The following OR9Q2 variants were observed in gnomAD, a reference collection of about 807,000 sequenced individuals.
OR9Q2 encodes olfactory receptor 9Q2.
In OR9Q2, 2 loss-of-function variants were observed where a neutral mutation model predicts 2.3. The observed-to-expected ratio is 0.85, with a 90% CI of 0.35 to 2.68. The LOEUF (loss-of-function observed/expected upper bound fraction) is 2.68. Ranked by LOEUF, OR9Q2 falls within the 30% of genes most tolerant of loss-of-function variation. The pLI is 0.10. For missense variants in OR9Q2, 404 were observed against 395.7 expected (o/e 1.02, Z -0.18); for synonymous variants, 178 against 158.6 (o/e 1.12, Z -0.92).
rs1854767319 is a variant in OR9Q2, at chr11:58,191,717, G to A, written c.*282G>A. The A allele has an allele frequency of 4.0e-6, 1 of 249,704 alleles. No individual in the cohort carries two copies. The highest frequency in any genetic ancestry group is 2.2e-5 in the African/African-American group (1 of 45,038). 15.5% of individuals were successfully genotyped at this position (249,704 alleles called of 1,614,324 possible). A position where few individuals can be genotyped will look rare whatever the true frequency, so the allele number is the denominator to read the frequency against. On this transcript the variant is annotated 3_prime_UTR_variant, in exon 2 of 2. Coordinates refer to ENST00000641291, the MANE Select transcript of OR9Q2 (RefSeq NM_001005283.3). ...TTCATTTCTATATGTCCAGTTCCTA[G>A]CAAAGCACCTAGCATGTGAAAGGCA...
At chr11:58,189,944 C>G (rs1854742329) in intron 1 of OR9Q2, among the ~76,000 whole-genome samples, 2 of 152,136 alleles carry the variant, frequency 1.3e-5, no homozygotes, top group African/African-American at 4.8e-5. Context: ...ACAAGCAGAG[C>G]CCATTGCTGA....
rs1414785084 is a variant in OR9Q2 at position 58,189,113 on chromosome 11, G to T, written c.-173+5G>T. ...CCCTAGTCTTGTTATCTCAAAGTAA[G>T]TCTAGAAAAATCTAAGGAAACACTA... On this transcript the variant is annotated splice_donor_5th_base_variant and intron_variant, in intron 1 of 1. Transcript: ENST00000641291. 1 of 152,130 alleles carries T rather than the reference G, an allele frequency of 6.6e-6. No homozygotes were observed. The highest frequency in any genetic ancestry group is 1.5e-5 in the Non-Finnish European group (1 of 68,022). The allele number at this position is 152,130 out of a possible 1,614,324, so 9.4% of individuals were successfully genotyped here. A position where few individuals can be genotyped will look rare whatever the true frequency, so the allele number is the denominator to read the frequency against.
In OR9Q2 at chr11:58,190,430, C is replaced by A; in HGVS notation, c.-61C>A. 8.6e-7 allele frequency: 1 copy of A among 1,161,076 alleles called. No homozygotes were observed. The highest frequency in any genetic ancestry group is 1.3e-6 in the Non-Finnish European group (1 of 785,768). 71.9% of individuals were successfully genotyped at this position (1,161,076 alleles called of 1,614,324 possible). A position where few individuals can be genotyped will look rare whatever the true frequency, so the allele number is the denominator to read the frequency against. On this transcript the variant is annotated 5_prime_UTR_variant, in exon 2 of 2. Coordinates refer to ENST00000641291, the MANE Select transcript of OR9Q2 (RefSeq NM_001005283.3). ...TTGTTACTTGAAATCATTTGAACTC[C>A]TCTTGAGCTGTCCCCTCATCTGGCT... is the stretch of plus-strand genomic sequence containing the variant.
At position 58,190,705 on chromosome 11, in the gene OR9Q2, G is replaced by A. The variant is rs761322133; in HGVS notation, c.215G>A (p.Cys72Tyr). 3.1e-6 allele frequency: 5 copies of A among 1,614,042 alleles called. No individual in the cohort carries two copies. The highest frequency in any genetic ancestry group is 2.5e-6 in the Non-Finnish European group (3 of 1,180,014). ...AGCCACCTTTCCTTGGTGGACATCTGCTACTCGTCCGCCATCATCCCTCAG... is the reference window on the plus strand; with the variant it reads ...AGCCACCTTTCCTTGGTGGACATCTACTACTCGTCCGCCATCATCCCTCAG... Reference protein sequence around the residue: ...FLSHLSLVDICYSSAIIPQML... With the variant: ...FLSHLSLVDIYYSSAIIPQML... Residue 72 changes from cysteine (C) to tyrosine (Y), a missense_variant, in exon 2 of 2, where the codon TGC becomes TAC. Coordinates refer to ENST00000641291, the MANE Select transcript of OR9Q2 (RefSeq NM_001005283.3).
Position 58,191,044 on chromosome 11 carries a change from T to G in OR9Q2, c.554T>G (p.Leu185Ter). Reference sequence around the variant, plus strand: ...ATTTTCTGTGACCTCCCTCCTCTATTAAAACTCTCCTGTGGGGACAGCTAC... The same window carrying G: ...ATTTTCTGTGACCTCCCTCCTCTATGAAAACTCTCCTGTGGGGACAGCTAC... ...NFIFCDLPPL[L>*]KLSCGDSYTQ... The change falls in exon 2 of 2, where the codon TTA becomes TGA. Residue 185 changes from leucine (L) to a stop codon, truncating the protein, a stop_gained. Coordinates refer to ENST00000641291, the MANE Select transcript of OR9Q2 (RefSeq NM_001005283.3). LOFTEE classifies it high-confidence loss of function. The G allele has an allele frequency of 6.2e-7, 1 of 1,614,144 alleles. No individual in the cohort carries two copies. The highest frequency in any genetic ancestry group is 1.1e-5 in the South Asian group (1 of 91,080).
In OR9Q2 at chr11:58,190,675, T is replaced by G; in HGVS notation, c.185T>G (p.Phe62Cys). Reference sequence around the variant, plus strand: ...CGGCTCCACACCCCGATGTACTTCTTCCTCAGCCACCTTTCCTTGGTGGAC... The same window carrying G: ...CGGCTCCACACCCCGATGTACTTCTGCCTCAGCCACCTTTCCTTGGTGGAC... ...DRRLHTPMYF[F>C]LSHLSLVDIC... Residue 62 changes from phenylalanine to cysteine, a missense_variant, in exon 2 of 2, where the codon TTC becomes TGC. By Grantham distance (205) the Phe-to-Cys change is radical. Coordinates refer to ENST00000641291, the MANE Select transcript of OR9Q2 (RefSeq NM_001005283.3). 1 of 1,614,188 alleles carries G rather than the reference T, an allele frequency of 6.2e-7. No individual in the cohort carries two copies. The highest frequency in any genetic ancestry group is 1.1e-5 in the South Asian group (1 of 91,082).
At chr11:58,189,484 T>C (rs1854738230) in intron 1 of OR9Q2, among the ~76,000 whole-genome samples, 1 of 152,220 alleles carries the variant, frequency 6.6e-6, no homozygotes, top group Middle Eastern at 3.4e-3. Flanking sequence ...GACTTTCAGA[T>C]CTAATTTGTT....
rs1854783670 is a variant in OR9Q2 at position 58,193,562 on chromosome 11, A to G, written c.*2127A>G. On this transcript the variant is annotated 3_prime_UTR_variant, in exon 2 of 2. Transcript: ENST00000641291. ...GGCAGATGAGGGAGGTTCTGTTCTC[A>G]GGTCTCTGACTCCAAAGTACATACT... The G allele has an allele frequency of 6.6e-6, 1 of 152,214 alleles. No individual in the cohort carries two copies. The highest frequency in any genetic ancestry group is 1.5e-5 in the Non-Finnish European group (1 of 68,046). The allele number at this position is 152,214 out of a possible 1,614,324, so 9.4% of individuals were successfully genotyped here. A position where few individuals can be genotyped will look rare whatever the true frequency, so the allele number is the denominator to read the frequency against.
chr11:58,191,143 A>T lies in OR9Q2; in HGVS notation c.653A>T (p.Tyr218Phe). The change falls in exon 2 of 2, where the codon TAC (tyrosine) becomes TTC (phenylalanine). Residue 218 changes from tyrosine (Y) to phenylalanine (F), a missense_variant. Coordinates refer to ENST00000641291, the MANE Select transcript of OR9Q2 (RefSeq NM_001005283.3). Reference protein sequence around the residue: ...PACILVILVSYLFIIVAILQI... With the variant: ...PACILVILVSFLFIIVAILQI... The stretch of plus-strand genomic sequence containing the variant: ...TGTATCTTGGTGATCTTGGTATCCT[A>T]CCTGTTTATCATTGTGGCCATCCTG... 1.2e-6 allele frequency: 2 copies of T among 1,613,908 alleles called. No individual in the cohort carries two copies. Among genetic ancestry groups the T allele is most frequent in the Non-Finnish European group, 8.5e-7 (1 of 1,179,962 alleles).
At chr11:58,189,239 A>T (rs1854735620) in intron 1 of OR9Q2, 131 bp downstream of exon 1, 1 of 152,254 alleles carries the variant, frequency 6.6e-6, no homozygotes, top group South Asian at 2.1e-4. Context: ...CCATCTCATC[A>T]GGTTGCTATG....
rs574285084 is a variant in OR9Q2 at position 58,190,160 on chromosome 11, G to T, written c.-172-159G>T. The stretch of plus-strand genomic sequence containing the variant: ...ATTATGATCCTCTTTTGGCAGAGGA[G>T]GAAATTGAGGTTCAGAGAGGTTAAG... On this transcript the variant is annotated intron_variant, in intron 1 of 1. Coordinates refer to ENST00000641291, the MANE Select transcript of OR9Q2 (RefSeq NM_001005283.3). Among the ~76,000 whole-genome samples the T allele has an allele frequency of 6.6e-5, 10 of 152,256 alleles. No individual in the cohort carries two copies. The South Asian group carries it at 1.9e-3, about 28-fold the overall frequency.
chr11:58,191,442 C>G lies in OR9Q2; in HGVS notation c.*7C>G. On this transcript the variant is annotated 3_prime_UTR_variant, in exon 2 of 2. Transcript: ENST00000641291. ...GCCTGCTAGAAGACCCTAAATGGAC[C>G]CTTGTGAAATATATCATTCCTTAGT... 6.5e-7 allele frequency: 1 copy of G among 1,539,400 alleles called. No individual in the cohort carries two copies. Among genetic ancestry groups the G allele is most frequent in the South Asian group, 1.2e-5 (1 of 83,456 alleles).
chr11:58,190,847 C>T lies in OR9Q2; in HGVS notation c.357C>T (p.Ala119=). The part of the protein sequence containing the change: ...SIDCYLLAIM[A]YDRYTAVCQP... ...ACTGCTACCTTCTGGCCATCATGGC[C>T]TATGACCGCTACACGGCCGTGTGCC... The change falls in exon 2 of 2, where the codon GCC becomes GCT. Residue 119 remains alanine (A), a synonymous_variant. Coordinates refer to ENST00000641291, the MANE Select transcript of OR9Q2 (RefSeq NM_001005283.3). The T allele has an allele frequency of 6.2e-7, 1 of 1,614,212 alleles. No individual in the cohort carries two copies. Among genetic ancestry groups the T allele is most frequent in the Non-Finnish European group, 8.5e-7 (1 of 1,180,036 alleles).
At chr11:58,189,332 C>G (rs1036538236) in intron 1 of OR9Q2, among the ~76,000 whole-genome samples, 18 of 152,040 alleles carry the variant, frequency 1.2e-4, no homozygotes, top group Non-Finnish European at 2.2e-4. Context: ...CGTGACTTGC[C>G]CAGGGTCTTA....
chr11:58,193,021 A>G lies in OR9Q2; in HGVS notation c.*1586A>G, dbSNP rs1490552975. 6.6e-6 allele frequency: 1 copy of G among 152,248 alleles called. No homozygotes were observed. Among genetic ancestry groups the G allele is most frequent in the South Asian group, 2.1e-4 (1 of 4,838 alleles). The allele number at this position is 152,248 out of a possible 1,614,324, so 9.4% of individuals were successfully genotyped here. On this transcript the variant is annotated 3_prime_UTR_variant, in exon 2 of 2. Coordinates refer to ENST00000641291, the MANE Select transcript of OR9Q2 (RefSeq NM_001005283.3). The stretch of plus-strand genomic sequence containing the variant: ...TTTCAGCCTGCTTCTCCTCTGTGAA[A>G]TAATACTTACTAAGCACTTACTCTG...
Position 58,191,750 on chromosome 11 carries a change from A to C in OR9Q2, c.*315A>C, listed in dbSNP as rs1209096803. On this transcript the variant is annotated 3_prime_UTR_variant, in exon 2 of 2. Transcript: ENST00000641291. ...CCTAGCATGTGAAAGGCACTCAATA[A>C]ATATTTGTTGAGTGAATGAATCTCA... 1.0e-5 allele frequency: 2 copies of C among 192,568 alleles called. No individual in the cohort carries two copies. The highest frequency in any genetic ancestry group is 2.3e-5 in the African/African-American group (1 of 42,882). 11.9% of individuals were successfully genotyped at this position (192,568 alleles called of 1,614,324 possible).
rs192717939 is a variant in OR9Q2 at position 58,190,665 on chromosome 11, A to G, written c.175A>G (p.Met59Val). The change falls in exon 2 of 2, where the codon ATG becomes GTG. Residue 59 changes from methionine (M) to valine (V), a missense_variant. By Grantham distance (21) the Met-to-Val change is conservative. Coordinates refer to ENST00000641291, the MANE Select transcript of OR9Q2 (RefSeq NM_001005283.3). ...TGGCGATCGTCGGCTCCACACCCCG[A>G]TGTACTTCTTCCTCAGCCACCTTTC... ...IRGDRRLHTP[M>V]YFFLSHLSLV... 4 of 1,614,036 alleles carry G rather than the reference A, an allele frequency of 2.5e-6. No individual in the cohort carries two copies. In the African/African-American group the frequency reaches 4.0e-5, roughly 16 times the overall value.
At position 58,191,577 on chromosome 11, in the gene OR9Q2, T is replaced by C. The variant is rs1183640410; in HGVS notation, c.*142T>C. The C allele has an allele frequency of 1.7e-6, 1 of 591,658 alleles. No homozygotes were observed. The allele number at this position is 591,658 out of a possible 1,614,324, so 36.7% of individuals were successfully genotyped here. A position where few individuals can be genotyped will look rare whatever the true frequency, so the allele number is the denominator to read the frequency against. ...CCCACCTCCACTTTCTGATTTATTA[T>C]TCCATGTAATACTTATCATCATCTG... On this transcript the variant is annotated 3_prime_UTR_variant, in exon 2 of 2. Transcript: ENST00000641291.
Position 58,191,305 on chromosome 11 carries a change from G to A in OR9Q2, c.815G>A (p.Arg272Gln), listed in dbSNP as rs927196802. ...DNTGQSSEGD[R>Q]VVSVLYTVVT... Reference sequence around the variant, plus strand: ...ACAGGCCAGTCCTCCGAGGGAGACCGAGTGGTGTCTGTGCTCTACACGGTG... The same window carrying A: ...ACAGGCCAGTCCTCCGAGGGAGACCAAGTGGTGTCTGTGCTCTACACGGTG... The change falls in exon 2 of 2, where the codon CGA (arginine) becomes CAA (glutamine). Residue 272 changes from arginine to glutamine, a missense_variant. Transcript: ENST00000641291. 6 of 1,613,876 alleles carry A rather than the reference G, an allele frequency of 3.7e-6. No individual in the cohort carries two copies. The highest frequency in any genetic ancestry group is 2.7e-5 in the African/African-American group (2 of 74,880).
Sources: gnomAD v4.1 joint callset for allele counts (sites outside exome capture counted in the v4.1 genomes callset) on GRCh38, gnomAD v4.1.1 for gene constraint, MANE v1.5 for transcripts, NCBI Gene and HGNC (gene_info 2026-07-23, HGNC 2026-07-21) for gene names.